The following IL15 variants were observed in gnomAD, a reference collection of about 807,000 sequenced individuals.
The protein encoded by IL15 is interleukin 15.
In IL15, 11 loss-of-function variants were observed where a neutral mutation model predicts 19.6. That is an observed-to-expected ratio of 0.56 (90% CI 0.35 to 0.93). IL15 has a LOEUF of 0.93. IL15 is among the 40% of genes least tolerant of loss of function. IL15 has a pLI of 0.01. For missense variants in IL15, 197 were observed against 186.5 expected, an observed-to-expected ratio of 1.06 and a Z score of -0.33; for synonymous variants, 58 against 59.6, an observed-to-expected ratio of 0.97 and a Z score of 0.12.
At chr4:141,675,419 G>A (rs1352214044) in intron 2 of IL15, among the ~76,000 whole-genome samples, 1 of 152,120 alleles carries the variant, frequency 6.6e-6, no homozygotes, top group African/African-American at 2.4e-5. Flanking sequence ...CCCTCCTGTT[G>A]GTAATGAGGT....
chr4:141,641,460 G>A (rs1488552811), intron 1 of IL15, among the ~76,000 whole-genome samples: 1 of 152,096 alleles, frequency 6.6e-6, no homozygotes, highest in East Asian at 1.9e-4. Context: ...ATCAATGTTA[G>A]ACTGAATTAA....
intron 2 of IL15, among the ~76,000 whole-genome samples, chr4:141,665,670 A>G (rs920716975): frequency 2.6e-5 from 4 of 152,132 alleles, no homozygotes; most frequent in African/African-American, 4.8e-5. Context: ...TTGCCTTTCA[A>G]TCTAGTTTTA....
At chr4:141,644,259 A>C (rs1355209357) in intron 1 of IL15, among the ~76,000 whole-genome samples, 1 of 152,008 alleles carries the variant, frequency 6.6e-6, no homozygotes, top group African/African-American at 2.4e-5. Context: ...CTGTCCCTGC[A>C]TCTAAAGGAT....
chr4:141,721,909 T>C lies in IL15; in HGVS notation c.111-15T>C, dbSNP rs777146158. On this transcript the variant is annotated splice_polypyrimidine_tract_variant and intron_variant, in intron 4 of 7. Transcript: ENST00000320650. Reference sequence around the variant, plus strand: ...GGCTCCTTCAAAATGCTTTGCTCTATGGTTTTTCTTTCAGCTGTTTCAGTG... The same window carrying C: ...GGCTCCTTCAAAATGCTTTGCTCTACGGTTTTTCTTTCAGCTGTTTCAGTG... 3.8e-6 allele frequency: 6 copies of C among 1,575,084 alleles called. No individual in the cohort carries two copies. The highest frequency in any genetic ancestry group is 1.2e-5 in the South Asian group (1 of 86,750).
At chr4:141,690,114 C>T (rs1222265382) in intron 2 of IL15, among the ~76,000 whole-genome samples, 3 of 152,194 alleles carry the variant, frequency 2.0e-5, no homozygotes, top group Non-Finnish European at 4.4e-5. Context: ...CTAAGTCCCT[C>T]ATTGCCCGGG....
intron 2 of IL15, among the ~76,000 whole-genome samples, chr4:141,668,789 A>G (rs1190762964): frequency 3.3e-5 from 5 of 152,200 alleles, no homozygotes; most frequent in South Asian, 2.1e-4. Context: ...TAGAAACTCA[A>G]TTTAGACCAA....
chr4:141,637,503 G>A (rs966041481), intron 1 of IL15, among the ~76,000 whole-genome samples: 2 of 151,854 alleles, frequency 1.3e-5, no homozygotes, highest in African/African-American at 2.4e-5. Context: ...AAATACGAGC[G>A]AATTTCACTG....
intron 2 of IL15, among the ~76,000 whole-genome samples, chr4:141,676,663 C>G (rs1398830308): frequency 6.6e-6 from 1 of 151,948 alleles, no homozygotes; most frequent in Non-Finnish European, 1.5e-5. Context: ...GGCCATTAGC[C>G]CAAAGCAATA....
At chr4:141,661,875 A>C (rs1203880267) in intron 2 of IL15, among the ~76,000 whole-genome samples, 1 of 151,990 alleles carries the variant, frequency 6.6e-6, no homozygotes, top group Non-Finnish European at 1.5e-5. Context: ...CCCCTCAATA[A>C]AATACTTTTT....
chr4:141,692,800 T>C (rs1377762604), intron 2 of IL15, among the ~76,000 whole-genome samples: 1 of 151,954 alleles, frequency 6.6e-6, no homozygotes, highest in Non-Finnish European at 1.5e-5. Context: ...TCCAAACTTT[T>C]TCACATCTGC....
chr4:141,674,501 G>T (rs1165458076), intron 2 of IL15, among the ~76,000 whole-genome samples: 1 of 151,946 alleles, frequency 6.6e-6, no homozygotes, highest in African/African-American at 2.4e-5. Flanking sequence ...CAGGAGAATC[G>T]CTTGAACCAG....
At chr4:141,651,889 G>A (rs1026375578) in intron 1 of IL15, among the ~76,000 whole-genome samples, 5 of 151,954 alleles carry the variant, frequency 3.3e-5, no homozygotes, top group African/African-American at 1.2e-4. Flanking sequence ...CTCTGCCACT[G>A]CCAATAAAAC....
intron 2 of IL15, among the ~76,000 whole-genome samples, chr4:141,683,581 A>AAG (rs1401803862): frequency 1.3e-5 from 2 of 151,938 alleles, no homozygotes; most frequent in African/African-American, 4.8e-5. Flanking sequence ...TAAAAAAAAA[A>AAG]AAAAGAAAAA....
chr4:141,666,190 T>C (rs113206012), intron 2 of IL15, among the ~76,000 whole-genome samples: 1 of 151,930 alleles, frequency 6.6e-6, no homozygotes, highest in African/African-American at 2.4e-5. Context: ...AAGCTCCGCC[T>C]CCCGGGTTGA....
At chr4:141,694,812 C>T (rs1439968899) in intron 2 of IL15, among the ~76,000 whole-genome samples, 1 of 152,202 alleles carries the variant, frequency 6.6e-6, no homozygotes. Flanking sequence ...TTCCCACAGA[C>T]CTGGTACTTC....
rs1300068765 is a variant in IL15, at chr4:141,732,969, T to C, written c.*121T>C. 21 of 1,425,308 alleles carry C rather than the reference T, an allele frequency of 1.5e-5. No homozygotes were observed. The East Asian group carries it at 5.4e-4, about 36-fold the overall frequency. 88.3% of individuals were successfully genotyped at this position (1,425,308 alleles called of 1,614,324 possible). On this transcript the variant is annotated 3_prime_UTR_variant, in exon 8 of 8. Transcript: ENST00000320650. ...AAAACAAGTTTTTCTGTCAAGAAGA[T>C]GATCAGACCTTGGATCAGATGAACT...
chr4:141,700,914 T>G (rs1397626033), intron 2 of IL15, among the ~76,000 whole-genome samples: 1 of 152,232 alleles, frequency 6.6e-6, no homozygotes, highest in East Asian at 1.9e-4. Flanking sequence ...AGTCTATTGT[T>G]GAAACTTTCC....
rs70949131 is a variant in IL15, at chr4:141,693,016, C to CAAAAAAAAAAAAAA, written c.-99-26337_-99-26324dup. 6.8e-3 allele frequency among the ~76,000 whole-genome samples: 157 copies of CAAAAAAAAAAAAAA among 23,242 alleles called. 48 individuals are homozygous for CAAAAAAAAAAAAAA. Among genetic ancestry groups the CAAAAAAAAAAAAAA allele is most frequent in the African/African-American group, 0.014 (88 of 6,314 alleles). 15.2% of individuals were successfully genotyped at this position (23,242 alleles called of 152,430 possible). A position where few individuals can be genotyped will look rare whatever the true frequency, so the allele number is the denominator to read the frequency against. On this transcript the variant is annotated intron_variant, in intron 2 of 7. Coordinates refer to ENST00000320650, the MANE Select transcript of IL15 (RefSeq NM_000585.5). ...AGGGGAACAGAGCAAGACTCCGTCT[C>CAAAAAAAAAAAAAA]AAAAAAAAAAAAAAAAAAAAAAAAA...
At chr4:141,687,516 A>C (rs917657364) in intron 2 of IL15, among the ~76,000 whole-genome samples, 3 of 152,184 alleles carry the variant, frequency 2.0e-5, no homozygotes, top group African/African-American at 7.2e-5. Context: ...GCCTGAGGCT[A>C]TTACTTCCTC....
Sources: allele counts gnomAD v4.1 joint callset (sites outside exome capture counted in the v4.1 genomes callset), GRCh38; gene constraint gnomAD v4.1.1; transcripts MANE v1.5; gene names NCBI Gene and HGNC (gene_info 2026-07-23, HGNC 2026-07-21).